The following AADAT variants were observed in gnomAD, a reference collection of about 807,000 sequenced individuals.
AADAT encodes the protein kynurenine/alpha-aminoadipate aminotransferase, mitochondrial.
AADAT carries 25 observed loss-of-function variants against 56.2 expected under a neutral mutation model. The observed-to-expected ratio is 0.44, with a 90% CI of 0.32 to 0.62. The LOEUF (loss-of-function observed/expected upper bound fraction) is 0.62, where lower values mean the gene tolerates loss of function less well. Among genes scored for constraint, AADAT ranks in the 20% least tolerant of loss-of-function variants. AADAT has a pLI of 0.04. For synonymous variants in AADAT, 173 were observed against 164.7 expected, an observed-to-expected ratio of 1.05 and a Z score of -0.39; for missense variants, 387 against 510.5, an observed-to-expected ratio of 0.76 and a Z score of 2.33.
intron 1 of AADAT, 68 bp from the exon 2 acceptor site, chr4:170,088,632 C>T (rs1481120249): frequency 6.9e-7 from 1 of 1,458,778 alleles, no homozygotes; most frequent in Non-Finnish European, 9.5e-7. Flanking sequence ...GTTAAGCATG[C>T]ATTATAGTCA....
At chr4:170,092,221 C>T (rs973147120), upstream of AADAT, among the ~76,000 whole-genome samples, 3 of 152,228 alleles carry the variant, frequency 2.0e-5, no homozygotes, top group African/African-American at 7.2e-5. Context: ...TCGCAGTTTG[C>T]AATAAATCTT....
At chr4:170,067,158 G>A (rs531637830) in intron 9 of AADAT, among the ~76,000 whole-genome samples, 169 bp downstream of exon 9, 16 of 152,332 alleles carry the variant, frequency 1.1e-4, no homozygotes, top group African/African-American at 3.8e-4. Context: ...CTTGCTAGGT[G>A]AAGAACTAAC....
chr4:170,086,806 T>C (rs372741758), intron 3 of AADAT, among the ~76,000 whole-genome samples: 1 of 152,142 alleles, frequency 6.6e-6, no homozygotes, highest in Non-Finnish European at 1.5e-5. Flanking sequence ...GAGCAGGTAA[T>C]TTTTCAAAGT....
chr4:170,082,287 G>C lies in AADAT; in HGVS notation c.370-3704C>G, dbSNP rs1049131948. On this transcript the variant is annotated intron_variant, in intron 3 of 12. Coordinates refer to ENST00000337664, the MANE Select transcript of AADAT (RefSeq NM_016228.4). Reference sequence around the variant, plus strand: ...GGGGGAATGGAGTTAAAGAATAGAGGATTTTTTTATGTTTTTTGCATTTGT... The same window carrying C: ...GGGGGAATGGAGTTAAAGAATAGAGCATTTTTTTATGTTTTTTGCATTTGT... Among the ~76,000 whole-genome samples, 3 of 152,086 alleles carry C rather than the reference G, an allele frequency of 2.0e-5. No individual in the cohort carries two copies. In the East Asian group the frequency reaches 5.8e-4, roughly 29 times the overall value.
rs1164845687 is a variant in AADAT at position 170,078,549 on chromosome 4, A to G, written c.404T>C (p.Val135Ala). 6.2e-6 allele frequency: 10 copies of G among 1,608,512 alleles called. No individual in the cohort carries two copies. Among genetic ancestry groups the G allele is most frequent in the Non-Finnish European group, 8.5e-6 (10 of 1,177,166 alleles). ...TGAATAAGCAGGTTCATCTAGGAGG[A>G]CATTATCTCCAGGATTAATGATCAT... ...FEMIINPGDN[V>A]LLDEPAYSGT... is the part of the protein sequence containing the mutation. Residue 135 changes from valine (V) to alanine (A), a missense_variant, in exon 4 of 13, where the codon GTC (valine) becomes GCC (alanine). Transcript: ENST00000337664.
At chr4:170,092,902 T>C (rs1732909516), upstream of AADAT, among the ~76,000 whole-genome samples, 1 of 152,270 alleles carries the variant, frequency 6.6e-6, no homozygotes, top group Non-Finnish European at 1.5e-5. Context: ...TTTTAAGGCC[T>C]GTTCTCAGTT....
rs111721322 is a variant in AADAT at position 170,073,390 on chromosome 4, G to A, written c.445-45C>T. ...GCCTGAGTCAGTCATGATTACAAATGTAAGTGCTATTGGTTTTTTTTTTTT... is the reference window on the plus strand; with the variant it reads ...GCCTGAGTCAGTCATGATTACAAATATAAGTGCTATTGGTTTTTTTTTTTT... On this transcript the variant is annotated intron_variant, in intron 4 of 12. Transcript: ENST00000337664. 5,385 of 1,505,348 alleles carry A rather than the reference G, an allele frequency of 3.6e-3. 182 individuals carry two copies. The African/African-American group carries it at 0.073, about 20-fold the overall frequency. The allele number at this position is 1,505,348 out of a possible 1,614,324, so 93.2% of individuals were successfully genotyped here.
upstream of AADAT, among the ~76,000 whole-genome samples, chr4:170,092,878 A>T (rs1180656846): frequency 6.6e-6 from 1 of 152,234 alleles, no homozygotes; most frequent in Non-Finnish European, 1.5e-5. Context: ...TTTTGACTAA[A>T]GCTATTTGGC....
chr4:170,091,111 C>T (rs984580868), upstream of AADAT, among the ~76,000 whole-genome samples: 6 of 152,366 alleles, frequency 3.9e-5, no homozygotes, highest in African/African-American at 1.4e-4. Flanking sequence ...CCTCCTCGGC[C>T]TCAGCGCTCA....
upstream of AADAT, among the ~76,000 whole-genome samples, chr4:170,093,467 G>C (rs551811056): frequency 1.6e-3 from 245 of 152,236 alleles, 5 homozygotes; most frequent in South Asian, 0.026. Context: ...TCTTCCATTT[G>C]GTAGTAGGAA....
At chr4:170,070,533 T>A in intron 6 of AADAT, 54 bp downstream of exon 6, 1 of 1,356,450 alleles carries the variant, frequency 7.4e-7, no homozygotes, top group Non-Finnish European at 1.0e-6. Context: ...CACAGTGCAG[T>A]AACTTAAAAC....
At position 170,067,335 on chromosome 4, in the gene AADAT, A is replaced by G. The variant is rs1731519544; in HGVS notation, c.954T>C (p.His318=). ...HEWGEEGFMA[H]VDRVIDFYSN... is the part of the protein sequence containing the mutation. ...AAGAAATGATACAATACCTGTCTAC[A>G]TGAGCCATGAAACCTTCTTCTCCCC... Residue 318 remains histidine (H), a synonymous_variant, in exon 9 of 13, where the codon CAT becomes CAC. Coordinates refer to ENST00000337664, the MANE Select transcript of AADAT (RefSeq NM_016228.4). 6.2e-7 allele frequency: 1 copy of G among 1,613,124 alleles called. No individual in the cohort carries two copies. The highest frequency in any genetic ancestry group is 8.5e-7 in the Non-Finnish European group (1 of 1,179,262).
chr4:170,077,940 G>C (rs1305465331), intron 4 of AADAT, among the ~76,000 whole-genome samples: 1 of 152,006 alleles, frequency 6.6e-6, no homozygotes. Context: ...ATCTTTCTCT[G>C]AGTATGCTCC....
chr4:170,080,292 A>G (rs1475500041), intron 3 of AADAT, among the ~76,000 whole-genome samples: 1 of 152,146 alleles, frequency 6.6e-6, no homozygotes, highest in African/African-American at 2.4e-5. Flanking sequence ...AGCATCTATG[A>G]TACCCCTCCT....
intron 10 of AADAT, 145 bp downstream of exon 10, chr4:170,066,269 G>A (rs1731456224): frequency 4.3e-6 from 3 of 695,146 alleles, no homozygotes; most frequent in East Asian, 2.7e-5. Flanking sequence ...TTGCTTCTGA[G>A]ATGATTTATG....
chr4:170,075,709 C>T (rs1732003265), intron 4 of AADAT, among the ~76,000 whole-genome samples: 1 of 152,174 alleles, frequency 6.6e-6, no homozygotes, highest in Non-Finnish European at 1.5e-5. Context: ...TTCCTCACCC[C>T]AAATAGAGAC....
In AADAT at chr4:170,073,207, A is replaced by G. The variant is rs1731858259; in HGVS notation, c.583T>C (p.Tyr195His). Residue 195 changes from tyrosine to histidine, a missense_variant, in exon 5 of 13, where the codon TAT becomes CAT. Coordinates refer to ENST00000337664, the MANE Select transcript of AADAT (RefSeq NM_016228.4). ...GGGTTGTTGCCATTTGGAACAGTAT[A>G]AAGAAATTTGGGGGTGTTTTTCTGG... is the stretch of plus-strand genomic sequence containing the variant. ...NPQKNTPKFL[Y>H]TVPNGNNPTG... The G allele has an allele frequency of 6.2e-7, 1 of 1,614,014 alleles. No homozygotes were observed. The highest frequency in any genetic ancestry group is 1.7e-5 in the Admixed American group (1 of 60,000).
In AADAT at chr4:170,068,627, T is replaced by C. The variant is rs773656274; in HGVS notation, c.864A>G (p.Ile288Met). The change falls in exon 8 of 13, where the codon ATA (isoleucine) becomes ATG (methionine). Residue 288 changes from isoleucine (I) to methionine (M), a missense_variant. Transcript: ENST00000337664. ...TGCTGGGGTGCAATGTTGAAACTTG[T>C]ATGTGTAAAATAACTCTCTCTATTA... ...KPLIERVILH[I>M]QVSTLHPSTF... The C allele has an allele frequency of 6.8e-6, 11 of 1,607,900 alleles. No homozygotes were observed. Among genetic ancestry groups the C allele is most frequent in the South Asian group, 1.1e-5 (1 of 89,352 alleles).
At position 170,068,692 on chromosome 4, in the gene AADAT, G is replaced by A. The variant is rs375944075; in HGVS notation, c.804-5C>T. On this transcript the variant is annotated splice_polypyrimidine_tract_variant and splice_region_variant and intron_variant, in intron 7 of 12. Coordinates refer to ENST00000337664, the MANE Select transcript of AADAT (RefSeq NM_016228.4). Reference sequence around the variant, plus strand: ...GTTAAAAATCCTATTCTCAACCTACGTGGAAAGAGAAAAGGCACGATACCA... The same window carrying A: ...GTTAAAAATCCTATTCTCAACCTACATGGAAAGAGAAAAGGCACGATACCA... The A allele has an allele frequency of 7.6e-6, 12 of 1,569,614 alleles. No homozygotes were observed. Among genetic ancestry groups the A allele is most frequent in the African/African-American group, 5.5e-5 (4 of 72,466 alleles).
Sources: allele counts gnomAD v4.1 joint callset (sites outside exome capture counted in the v4.1 genomes callset), GRCh38; gene constraint gnomAD v4.1.1; transcripts MANE v1.5; gene names NCBI Gene and HGNC (gene_info 2026-07-23, HGNC 2026-07-21).